The following FAT3 variants were observed in gnomAD, a reference collection of about 807,000 sequenced individuals.
The protein encoded by FAT3 is FAT atypical cadherin 3.
In FAT3, 95 loss-of-function variants were observed where a neutral mutation model predicts 310.2. The ratio of observed to expected loss-of-function variants is 0.31; its 90% CI spans 0.26 to 0.36. The LOEUF (loss-of-function observed/expected upper bound fraction) is 0.36, where lower values mean the gene tolerates loss of function less well. FAT3 is among the 10% of genes least tolerant of loss of function. The pLI, the probability that FAT3 is intolerant of heterozygous loss-of-function variation, is 1.00. For synonymous variants in FAT3, 2,314 were observed against 2,192.9 expected, an observed-to-expected ratio of 1.06 and a Z score of -1.54; for missense variants, 5,408 against 5,715.6, an observed-to-expected ratio of 0.95 and a Z score of 1.74.
chr11:92,369,599 G>A lies in FAT3; in HGVS notation c.3292+14195G>A, dbSNP rs144919155. 1.7e-3 allele frequency among the ~76,000 whole-genome samples: 266 copies of A among 152,132 alleles called. 2 individuals carry two copies. Among genetic ancestry groups the A allele is most frequent in the African/African-American group, 6.1e-3 (254 of 41,514 alleles). ...CTGCAAGGTCTTGGTAGGTCAAGGC[G>A]GGCAGATCATGAGGTCAAGGCAGGC... On this transcript the variant is annotated intron_variant, in intron 2 of 27. Transcript: ENST00000525166.
intron 3 of FAT3, among the ~76,000 whole-genome samples, chr11:92,612,779 C>A (rs1940626390): frequency 6.6e-6 from 1 of 152,142 alleles, no homozygotes; most frequent in African/African-American, 2.4e-5. Flanking sequence ...TCAGGAGAAG[C>A]TTCCTGAAAG....
In FAT3 at chr11:92,831,891, C is replaced by A. The variant is rs1948269497; in HGVS notation, c.9751C>A (p.Pro3251Thr). 1 of 1,612,662 alleles carries A rather than the reference C, an allele frequency of 6.2e-7. No individual in the cohort carries two copies. The highest frequency in any genetic ancestry group is 1.7e-5 in the Admixed American group (1 of 59,848). Residue 3251 changes from proline (P) to threonine (T), a missense_variant, in exon 14 of 28, where the codon CCT becomes ACT. Physicochemically the swap from Pro to Thr is conservative, Grantham distance 38. Coordinates refer to ENST00000525166, the MANE Select transcript of FAT3 (RefSeq NM_001367949.2). ...YLVTVPEDTS[P>T]GTQVLAVFAT... is the part of the protein sequence containing the mutation. The stretch of plus-strand genomic sequence containing the variant: ...GGTGACGGTGCCTGAGGACACCTCC[C>A]CTGGCACCCAAGTCCTTGCTGTTTT...
At chr11:92,575,814 A>C (rs1266785592) in intron 3 of FAT3, among the ~76,000 whole-genome samples, 2 of 152,056 alleles carry the variant, frequency 1.3e-5, no homozygotes, top group Non-Finnish European at 2.9e-5. Flanking sequence ...GTTAATAGGC[A>C]GAAGGAGGAA....
intron 2 of FAT3, among the ~76,000 whole-genome samples, chr11:92,431,159 C>T (rs1266199357): frequency 6.6e-6 from 1 of 152,164 alleles, no homozygotes; most frequent in Admixed American, 6.5e-5. Flanking sequence ...TCTCCACATC[C>T]TCTCCAGCAC....
At chr11:92,580,079 T>A (rs1938706087) in intron 3 of FAT3, among the ~76,000 whole-genome samples, 1 of 152,110 alleles carries the variant, frequency 6.6e-6, no homozygotes, top group African/African-American at 2.4e-5. Flanking sequence ...CAGCTTATAA[T>A]CTTGCTTTTG....
intron 11 of FAT3, 89 bp downstream of exon 11, chr11:92,805,438 A>G (rs1947477418): frequency 2.1e-6 from 3 of 1,400,508 alleles, no homozygotes; most frequent in Admixed American, 4.6e-5. Flanking sequence ...AGGCCAGGCA[A>G]ACTTCTGCTC....
intron 3 of FAT3, among the ~76,000 whole-genome samples, chr11:92,667,378 C>A (rs959176354): frequency 6.6e-6 from 1 of 152,108 alleles, no homozygotes; most frequent in African/African-American, 2.4e-5. Context: ...CCTTTCCCCT[C>A]TTACTTAACC....
In FAT3 at chr11:92,792,758, T is replaced by G; in HGVS notation, c.4612-9T>G. 1 of 1,612,658 alleles carries G rather than the reference T, an allele frequency of 6.2e-7. No homozygotes were observed. The highest frequency in any genetic ancestry group is 8.5e-7 in the Non-Finnish European group (1 of 1,179,268). ...TTGAGTCCCACCACTTCTTGTATTT[T>G]GCCTAAAGGTCAGAGATCAGGAGTT... On this transcript the variant is annotated splice_polypyrimidine_tract_variant and intron_variant, in intron 8 of 27. Coordinates refer to ENST00000525166, the MANE Select transcript of FAT3 (RefSeq NM_001367949.2).
Position 92,798,774 on chromosome 11 carries a change from A to G in FAT3, c.5761A>G (p.Ser1921Gly), listed in dbSNP as rs1370814681. 1 of 1,613,896 alleles carries G rather than the reference A, an allele frequency of 6.2e-7. No individual in the cohort carries two copies. Among genetic ancestry groups the G allele is most frequent in the Non-Finnish European group, 8.5e-7 (1 of 1,179,850 alleles). ...TGAGGTACCCCCTGAACTGACATAC[A>G]GCCTAATGGAAGGCAGTTTGGATCA... Reference protein sequence around the residue: ...DSEVPPELTYSLMEGSLDHFL... With the variant: ...DSEVPPELTYGLMEGSLDHFL... Residue 1921 changes from serine to glycine, a missense_variant, in exon 10 of 28, where the codon AGC (serine) becomes GGC (glycine). Ser to Gly is a moderately conservative substitution (Grantham distance 56). Coordinates refer to ENST00000525166, the MANE Select transcript of FAT3 (RefSeq NM_001367949.2).
chr11:92,460,026 G>A (rs1951594732), intron 2 of FAT3, among the ~76,000 whole-genome samples: 1 of 151,912 alleles, frequency 6.6e-6, no homozygotes, highest in Non-Finnish European at 1.5e-5. Context: ...GTTTATTGCT[G>A]CCAGGGACCT....
At chr11:92,878,314 G>A (rs1424119213) in intron 22 of FAT3, among the ~76,000 whole-genome samples, 4 of 152,026 alleles carry the variant, frequency 2.6e-5, no homozygotes, top group Admixed American at 2.6e-4. Flanking sequence ...TCATTTTAAG[G>A]TAACTGATTA....
At chr11:92,823,230 G>A (rs988696370) in intron 13 of FAT3, among the ~76,000 whole-genome samples, 7 of 152,156 alleles carry the variant, frequency 4.6e-5, no homozygotes, top group Admixed American at 2.0e-4. Context: ...TTGCATGATC[G>A]TTGGGTAGCT....
At chr11:92,637,598 C>T (rs1941813355) in intron 3 of FAT3, among the ~76,000 whole-genome samples, 1 of 152,192 alleles carries the variant, frequency 6.6e-6, no homozygotes, top group Non-Finnish European at 1.5e-5. Context: ...AGCAATGCAC[C>T]TTTCATTTCC....
chr11:92,330,595 C>T (rs1341643990), intron 1 of FAT3, among the ~76,000 whole-genome samples: 1 of 152,160 alleles, frequency 6.6e-6, no homozygotes, highest in African/African-American at 2.4e-5. Flanking sequence ...AAGTACAACT[C>T]AGGTCTTCAT....
intron 2 of FAT3, among the ~76,000 whole-genome samples, chr11:92,461,327 C>A (rs1215762619): frequency 1.3e-5 from 2 of 152,138 alleles, no homozygotes; most frequent in African/African-American, 2.4e-5. Flanking sequence ...GCAACTGAAT[C>A]AGGCATAGCC....
In FAT3 at chr11:92,643,468, T is replaced by C. The variant is rs184587632; in HGVS notation, c.3608-53916T>C. On this transcript the variant is annotated intron_variant, in intron 3 of 27. Transcript: ENST00000525166. ...GCATGTGAGTCCTGCTTAGGATTCT[T>C]ACTGCTGCATAGCTTTGGGCAAGTC... Among the ~76,000 whole-genome samples the C allele has an allele frequency of 2.9e-4, 44 of 152,364 alleles. No homozygotes were observed. The East Asian group carries it at 7.5e-3, about 26-fold the overall frequency.
At chr11:92,703,730 G>T (rs1360003806) in intron 4 of FAT3, among the ~76,000 whole-genome samples, 3 of 152,216 alleles carry the variant, frequency 2.0e-5, no homozygotes, top group Non-Finnish European at 2.9e-5. Context: ...TTTATCGAAT[G>T]ACTGTTCAAG....
At chr11:92,350,545 G>T (rs1452822230) in intron 1 of FAT3, among the ~76,000 whole-genome samples, 1 of 152,008 alleles carries the variant, frequency 6.6e-6, no homozygotes, top group Non-Finnish European at 1.5e-5. Context: ...ATTCTTGCTT[G>T]CAGGTAATTT....
intron 1 of FAT3, among the ~76,000 whole-genome samples, chr11:92,339,311 A>G (rs778265842): frequency 5.3e-5 from 8 of 152,194 alleles, no homozygotes; most frequent in Non-Finnish European, 1.0e-4. Flanking sequence ...ATGGGGGTCA[A>G]AATTGCCCCT....
Sources: allele counts gnomAD v4.1 joint callset (sites outside exome capture counted in the v4.1 genomes callset), GRCh38; gene constraint gnomAD v4.1.1; transcripts MANE v1.5; gene names NCBI Gene and HGNC (gene_info 2026-07-23, HGNC 2026-07-21).